EML1: variants seen among roughly 807,000 people sequenced by gnomAD.
EML1 encodes the protein echinoderm microtubule-associated protein-like 1.
In EML1, 27 loss-of-function variants were observed where a neutral mutation model predicts 110.4. The ratio of observed to expected loss-of-function variants is 0.24; its 90% CI spans 0.18 to 0.34. The LOEUF is 0.34. EML1 is among the 10% of genes least tolerant of loss of function. The pLI is 1.00. For missense variants in EML1, 741 were observed against 1,030.9 expected (o/e 0.72, Z 3.85); for synonymous variants, 344 against 385.8 (o/e 0.89, Z 1.27).
chr14:99,898,173 C>G, intron 7 of EML1, 60 bp from the exon 8 acceptor site: 1 of 1,417,044 alleles, frequency 7.1e-7, no homozygotes. Flanking sequence ...TATATTTGAG[C>G]AAGGGAAAAG....
chr14:99,883,752 G>T (rs2059428287), intron 4 of EML1, among the ~76,000 whole-genome samples: 1 of 152,170 alleles, frequency 6.6e-6, no homozygotes, highest in Admixed American at 6.5e-5. Flanking sequence ...ATGTCTTTGT[G>T]TGAATAAATG....
chr14:99,750,267 G>A (rs2057160930), intron 1 of EML1, among the ~76,000 whole-genome samples: 1 of 152,218 alleles, frequency 6.6e-6, no homozygotes, highest in Admixed American at 6.5e-5. Flanking sequence ...GTGGCCCCCG[G>A]ATGTTCAGTT....
intron 2 of EML1, among the ~76,000 whole-genome samples, chr14:99,854,283 C>T (rs989380347): frequency 3.3e-5 from 5 of 152,226 alleles, no homozygotes; most frequent in African/African-American, 1.2e-4. Flanking sequence ...AATAATACTC[C>T]ACTTATTTGA....
intron 1 of EML1, among the ~76,000 whole-genome samples, chr14:99,754,230 C>G (rs2057217467): frequency 1.3e-5 from 2 of 152,246 alleles, no homozygotes; most frequent in South Asian, 4.1e-4. Flanking sequence ...TTATCTGTCC[C>G]AGCACTAAGC....
At chr14:99,912,406 C>G (rs1333786905) in intron 13 of EML1, among the ~76,000 whole-genome samples, 3 of 152,274 alleles carry the variant, frequency 2.0e-5, no homozygotes, top group East Asian at 3.9e-4. Context: ...CTTCTGCCCA[C>G]TCAGTGAATT....
chr14:99,804,162 T>C (rs189523432), intron 1 of EML1, among the ~76,000 whole-genome samples: 2 of 152,344 alleles, frequency 1.3e-5, no homozygotes, highest in Admixed American at 1.3e-4. Context: ...TGGCCTTTTA[T>C]TGAGTTGATA....
rs927741557 is a variant in EML1 at position 99,936,921 on chromosome 14, T to C, written c.2095+587T>C. The stretch of plus-strand genomic sequence containing the variant: ...ACCAGGCACCTGCCACGTGCCCCAC[T>C]CTGGGCCACGCAGGGCGGCGCGTGG... On this transcript the variant is annotated intron_variant, in intron 19 of 21. Transcript: ENST00000262233. This position sits in a 1 kb window ranked among gnomAD's most constrained non-coding sequence, Gnocchi z 5.5. Among the ~76,000 whole-genome samples the C allele has an allele frequency of 6.6e-6, 1 of 152,190 alleles. No individual in the cohort carries two copies. Among genetic ancestry groups the C allele is most frequent in the South Asian group, 2.1e-4 (1 of 4,836 alleles).
intron 2 of EML1, among the ~76,000 whole-genome samples, chr14:99,860,412 T>C (rs2058982988): frequency 6.6e-6 from 1 of 152,204 alleles, no homozygotes; most frequent in Non-Finnish European, 1.5e-5. Flanking sequence ...CACTTCTGCA[T>C]TTTTAAAGAG....
intron 4 of EML1, among the ~76,000 whole-genome samples, chr14:99,887,397 C>T (rs2059498673): frequency 6.6e-6 from 1 of 152,164 alleles, no homozygotes; most frequent in African/African-American, 2.4e-5. Context: ...TTTCTCTCCT[C>T]CAGGCTTAGT....
At chr14:99,847,393 G>A (rs1235968531) in intron 1 of EML1, among the ~76,000 whole-genome samples, 1 of 151,982 alleles carries the variant, frequency 6.6e-6, no homozygotes, top group South Asian at 2.1e-4. Flanking sequence ...TTCTGTTTTC[G>A]AGGCTGGAGT....
intron 3 of EML1, among the ~76,000 whole-genome samples, chr14:99,868,701 T>A (rs2059144085): frequency 6.6e-6 from 1 of 152,180 alleles, no homozygotes; most frequent in African/African-American, 2.4e-5. Context: ...TCTGTCTTTC[T>A]TTGTTAGTCT....
chr14:99,749,679 G>A (rs2057153574), intron 1 of EML1, among the ~76,000 whole-genome samples: 1 of 152,214 alleles, frequency 6.6e-6, no homozygotes, highest in Admixed American at 6.5e-5. Flanking sequence ...CCAAACCCAT[G>A]TAGACAGGGA....
chr14:99,862,271 A>G (rs533989311), intron 2 of EML1, among the ~76,000 whole-genome samples: 18 of 152,198 alleles, frequency 1.2e-4, no homozygotes, highest in Non-Finnish European at 2.5e-4. Flanking sequence ...CCAAGGGTGC[A>G]TGCTATCAAC....
At chr14:99,816,253 T>C (rs1004488184) in intron 1 of EML1, among the ~76,000 whole-genome samples, 39 of 152,302 alleles carry the variant, frequency 2.6e-4, no homozygotes, top group African/African-American at 8.4e-4. Flanking sequence ...AACCTCCACC[T>C]CCTGGGCTCA....
intron 1 of EML1, among the ~76,000 whole-genome samples, chr14:99,800,425 G>A (rs2057853650): frequency 6.6e-6 from 1 of 152,028 alleles, no homozygotes; most frequent in South Asian, 2.1e-4. Context: ...GTGCAGTGGT[G>A]TGATCATGGC....
chr14:99,900,902 A>G (rs901318122), intron 8 of EML1, 27 bp from the exon 9 acceptor site: 10 of 1,592,576 alleles, frequency 6.3e-6, no homozygotes, highest in Non-Finnish European at 8.6e-6. Context: ...ATCACAATTG[A>G]TGGCTCTGTG....
At chr14:99,836,991 A>AT (rs35306819) in intron 1 of EML1, among the ~76,000 whole-genome samples, 2,957 of 141,476 alleles carry the variant, frequency 0.021, 49 homozygotes, top group Middle Eastern at 0.047. Context: ...AATTGTTCTA[A>AT]TTTTTTTTTT....
intron 1 of EML1, among the ~76,000 whole-genome samples, chr14:99,842,851 A>G (rs374769882): frequency 5.3e-5 from 8 of 152,060 alleles, no homozygotes; most frequent in African/African-American, 9.7e-5. Flanking sequence ...TTCCTCCTCA[A>G]TCCTGTGCTG....
At chr14:99,819,402 C>T (rs1810248833) in intron 1 of EML1, among the ~76,000 whole-genome samples, 1 of 152,154 alleles carries the variant, frequency 6.6e-6, no homozygotes, top group African/African-American at 2.4e-5. Context: ...TTTCCTTTTC[C>T]CACCAGAACA....
Sources: allele counts gnomAD v4.1 joint callset (sites outside exome capture counted in the v4.1 genomes callset), GRCh38; gene constraint gnomAD v4.1.1; non-coding constraint Gnocchi (gnomAD v3.1); transcripts MANE v1.5; gene names NCBI Gene and HGNC (gene_info 2026-07-23, HGNC 2026-07-21).